The following LARS2 variants were observed in gnomAD, a reference collection of about 807,000 sequenced individuals.
The protein encoded by LARS2 is leucyl-tRNA synthetase 2, mitochondrial, also known as leucine--tRNA ligase, mitochondrial.
LARS2 carries 81 observed loss-of-function variants against 116.6 expected under a neutral mutation model. The ratio of observed to expected loss-of-function variants is 0.69; its 90% CI spans 0.58 to 0.84. The LOEUF is 0.84. Among genes scored for constraint, LARS2 ranks in the 40% least tolerant of loss-of-function variants. LARS2 has a pLI of 0.00. For missense variants in LARS2, 968 were observed against 1,114.5 expected (o/e 0.87, Z 1.87); for synonymous variants, 396 against 407.2 (o/e 0.97, Z 0.33).
intron 11 of LARS2, among the ~76,000 whole-genome samples, chr3:45,486,670 G>GA (rs1699820442): frequency 6.6e-6 from 1 of 152,200 alleles, no homozygotes. Flanking sequence ...CGTCAAAGCA[G>GA]AAAATCGATG....
chr3:45,542,504 A>G (rs764865854), intron 21 of LARS2, among the ~76,000 whole-genome samples: 1 of 152,162 alleles, frequency 6.6e-6, no homozygotes, highest in African/African-American at 2.4e-5. Context: ...ATTTTTCTAC[A>G]TTTGTTTAAT....
At position 45,548,985 on chromosome 3, in the gene LARS2, C is replaced by G. The variant is rs1027853982; in HGVS notation, c.*1455C>G. 1 of 152,184 alleles carries G rather than the reference C, an allele frequency of 6.6e-6. No individual in the cohort carries two copies. The highest frequency in any genetic ancestry group is 2.4e-5 in the African/African-American group (1 of 41,448). 9.4% of individuals were successfully genotyped at this position (152,184 alleles called of 1,614,324 possible). A position where few individuals can be genotyped will look rare whatever the true frequency, so the allele number is the denominator to read the frequency against. On this transcript the variant is annotated 3_prime_UTR_variant, in exon 22 of 22. Transcript: ENST00000645846. ...GCTATAAAGTGGGATACATGTGGTTCTTCTTGTTCCAGAACTTACAGTCCA... is the reference window on the plus strand; with the variant it reads ...GCTATAAAGTGGGATACATGTGGTTGTTCTTGTTCCAGAACTTACAGTCCA...
chr3:45,539,809 C>G (rs1411384819), intron 20 of LARS2, among the ~76,000 whole-genome samples: 2 of 151,876 alleles, frequency 1.3e-5, no homozygotes, highest in Non-Finnish European at 2.9e-5. Flanking sequence ...AATTGTGTGT[C>G]ATTCTTTGCC....
At chr3:45,465,777 C>T (rs1699413383) in intron 8 of LARS2, among the ~76,000 whole-genome samples, 1 of 152,206 alleles carries the variant, frequency 6.6e-6, no homozygotes, top group African/African-American at 2.4e-5. Flanking sequence ...CAGGGCCTTC[C>T]TGCTGACCTC....
chr3:45,425,568 CCT>C (rs1698580446), intron 6 of LARS2, among the ~76,000 whole-genome samples: 1 of 152,132 alleles, frequency 6.6e-6, no homozygotes, highest in African/African-American at 2.4e-5. Context: ...GACTTCAGGC[CCT>C]TCCAAGTTTT....
At chr3:45,435,131 C>T (rs936874482) in intron 6 of LARS2, among the ~76,000 whole-genome samples, 11 of 152,158 alleles carry the variant, frequency 7.2e-5, no homozygotes, top group Admixed American at 3.3e-4. Context: ...CCCACAGGGA[C>T]TCCGCTGACA....
Position 45,496,407 on chromosome 3 carries a change from G to A in LARS2, c.1622+34G>A, listed in dbSNP as rs375397646. ...TCCCTGCTGATGTCTTTGAGCATTT[G>A]TCAGTGTGGCTCCTCCTAGAAGCAA... On this transcript the variant is annotated intron_variant, in intron 14 of 21. Transcript: ENST00000645846. The A allele has an allele frequency of 8.8e-5, 131 of 1,486,724 alleles. 1 individual carries two copies. In the African/African-American group the frequency reaches 1.6e-3, roughly 18 times the overall value. 92.1% of individuals were successfully genotyped at this position (1,486,724 alleles called of 1,614,324 possible).
chr3:45,544,417 C>T (rs1700845324), intron 21 of LARS2, among the ~76,000 whole-genome samples: 1 of 152,318 alleles, frequency 6.6e-6, no homozygotes, highest in African/African-American at 2.4e-5. Flanking sequence ...CCTTATCCGG[C>T]TATTGAGAGA....
intron 20 of LARS2, among the ~76,000 whole-genome samples, chr3:45,532,185 G>A (rs1367496810): frequency 1.3e-5 from 2 of 152,190 alleles, no homozygotes; most frequent in Non-Finnish European, 2.9e-5. Flanking sequence ...AGATATAAAT[G>A]CAACAAACGC....
At chr3:45,543,157 A>C (rs956179544) in intron 21 of LARS2, among the ~76,000 whole-genome samples, 1 of 152,246 alleles carries the variant, frequency 6.6e-6, no homozygotes, top group Non-Finnish European at 1.5e-5. Context: ...CCCCAAGGGA[A>C]GAGGATGTGA....
chr3:45,409,996 G>A (rs980800623), intron 4 of LARS2, among the ~76,000 whole-genome samples: 1 of 152,174 alleles, frequency 6.6e-6, no homozygotes, highest in Non-Finnish European at 1.5e-5. Context: ...ATGAATAAGT[G>A]TATTATGTAA....
At chr3:45,445,519 G>A (rs1473586945) in intron 6 of LARS2, among the ~76,000 whole-genome samples, 1 of 152,192 alleles carries the variant, frequency 6.6e-6, no homozygotes, top group Non-Finnish European at 1.5e-5. Flanking sequence ...GGAAGCCAGA[G>A]CAGGCTGCGT....
At chr3:45,461,888 T>C (rs1575270059) in intron 8 of LARS2, among the ~76,000 whole-genome samples, 1 of 152,136 alleles carries the variant, frequency 6.6e-6, no homozygotes, top group Non-Finnish European at 1.5e-5. Context: ...CAGGAGATAT[T>C]TGAGTAGAGA....
intron 12 of LARS2, among the ~76,000 whole-genome samples, chr3:45,491,198 G>A (rs1302593830): frequency 6.6e-6 from 1 of 152,074 alleles, no homozygotes; most frequent in Non-Finnish European, 1.5e-5. Context: ...AGTGCCTAGG[G>A]CCCACAATAC....
chr3:45,417,398 A>G, intron 4 of LARS2, 84 bp from the exon 5 acceptor site: 1 of 985,230 alleles, frequency 1.0e-6, no homozygotes, highest in South Asian at 1.3e-5. Context: ...TTAGCAGGAG[A>G]GAGTGCTGAG....
At chr3:45,485,023 C>G (rs561040395) in intron 10 of LARS2, among the ~76,000 whole-genome samples, 1 of 152,212 alleles carries the variant, frequency 6.6e-6, no homozygotes, top group African/African-American at 2.4e-5. Context: ...CTGCTCAGAT[C>G]TGACCTGGTC....
chr3:45,508,754 AT>A (rs763484493), intron 15 of LARS2, among the ~76,000 whole-genome samples: 10 of 151,840 alleles, frequency 6.6e-5, no homozygotes, highest in Admixed American at 2.6e-4. Flanking sequence ...GTATATAGTG[AT>A]TTTTTTAAGA....
At position 45,545,001 on chromosome 3, in the gene LARS2, A is replaced by C. The variant is rs562884743; in HGVS notation, c.2533-2350A>C. On this transcript the variant is annotated intron_variant, in intron 21 of 21. Transcript: ENST00000645846. ...AGAGGCCAGACACCCCTCAGAGGACAGGGGGCTACCAGGGTGTGTGAGCAG... is the reference window on the plus strand; with the variant it reads ...AGAGGCCAGACACCCCTCAGAGGACCGGGGGCTACCAGGGTGTGTGAGCAG... Among the ~76,000 whole-genome samples the C allele has an allele frequency of 3.3e-5, 5 of 152,246 alleles. No homozygotes were observed. In the East Asian group the frequency reaches 9.6e-4, roughly 29 times the overall value.
intron 19 of LARS2, among the ~76,000 whole-genome samples, chr3:45,522,173 C>T (rs750232170): frequency 5.3e-5 from 8 of 152,280 alleles, no homozygotes; most frequent in African/African-American, 1.7e-4. Context: ...GACTTTTACA[C>T]GCCAGTGATA....
Sources: gnomAD v4.1 joint callset for allele counts (sites outside exome capture counted in the v4.1 genomes callset) on GRCh38, gnomAD v4.1.1 for gene constraint, MANE v1.5 for transcripts, NCBI Gene and HGNC (gene_info 2026-07-23, HGNC 2026-07-21) for gene names.